Variants in PLCB1 observed in about 807,000 individuals in gnomAD.
The protein encoded by PLCB1 is phospholipase C beta 1.
Under a neutral mutation model 161.8 loss-of-function variants are expected in PLCB1, and 46 were observed. That is an observed-to-expected ratio of 0.28 (90% CI 0.22 to 0.36). The LOEUF is 0.36. PLCB1 is among the 10% of genes least tolerant of loss of function. The pLI, the probability that PLCB1 is intolerant of heterozygous loss-of-function variation, is 1.00. For synonymous variants in PLCB1, 517 were observed against 503.7 expected, an observed-to-expected ratio of 1.03 and a Z score of -0.35; for missense variants, 1,016 against 1,472.5, an observed-to-expected ratio of 0.69 and a Z score of 5.07.
At chr20:8,577,609 G>C (rs1986716356) in intron 3 of PLCB1, among the ~76,000 whole-genome samples, 1 of 151,946 alleles carries the variant, frequency 6.6e-6, no homozygotes, top group African/African-American at 2.4e-5. Context: ...ATAAGTCTTG[G>C]CACTTAAGAG....
At chr20:8,553,701 T>C (rs1301803434) in intron 3 of PLCB1, among the ~76,000 whole-genome samples, 4 of 152,052 alleles carry the variant, frequency 2.6e-5, no homozygotes, top group Non-Finnish European at 5.9e-5. Context: ...ATTAGGAGCC[T>C]TAATAAAACT....
intron 31 of PLCB1, among the ~76,000 whole-genome samples, chr20:8,874,250 ACACACG>A (rs148273939): frequency 0.3 from 45,250 of 150,096 alleles, 6,603 homozygotes; most frequent in South Asian, 0.47. Flanking sequence ...ACACACACAC[ACACACG>A]CACAACAGAT....
chr20:8,698,365 C>G (rs1990626566), intron 11 of PLCB1, among the ~76,000 whole-genome samples: 1 of 152,170 alleles, frequency 6.6e-6, no homozygotes, highest in Admixed American at 6.5e-5. Context: ...TAAATTGATT[C>G]ACACTATAGT....
Position 8,729,110 on chromosome 20 carries a change from C to T in PLCB1, c.1824C>T (p.Asn608=). 1 of 1,612,318 alleles carries T rather than the reference C, an allele frequency of 6.2e-7. No homozygotes were observed. The highest frequency in any genetic ancestry group is 8.5e-7 in the Non-Finnish European group (1 of 1,178,744). Residue 608 remains asparagine, a synonymous_variant, in exon 18 of 32, where the codon AAC becomes AAT. Transcript: ENST00000338037. ...AAGGAACACGTGTGGATTCATCCAA[C>T]TATATGCCTCAGCTCTTCTGGAATG... ...YPKGTRVDSS[N]YMPQLFWNAG...
At chr20:8,675,259 C>T (rs6108176) in intron 9 of PLCB1, among the ~76,000 whole-genome samples, 1 of 152,074 alleles carries the variant, frequency 6.6e-6, no homozygotes, top group Non-Finnish European at 1.5e-5. Context: ...CAAAAGCGGC[C>T]TTGTGAGATT....
At chr20:8,838,370 A>G (rs1285575843) in intron 31 of PLCB1, among the ~76,000 whole-genome samples, 1 of 152,218 alleles carries the variant, frequency 6.6e-6, no homozygotes, top group Non-Finnish European at 1.5e-5. Flanking sequence ...TTATTCCAGA[A>G]GGCCCAGTAT....
At chr20:8,813,806 C>T (rs1600349140) in intron 31 of PLCB1, among the ~76,000 whole-genome samples, 1 of 152,064 alleles carries the variant, frequency 6.6e-6, no homozygotes, top group East Asian at 1.9e-4. Context: ...ACAGCCAGGG[C>T]AACAGAGCAA....
chr20:8,704,603 CTT>C (rs1209776390), intron 11 of PLCB1, among the ~76,000 whole-genome samples: 2 of 152,232 alleles, frequency 1.3e-5, no homozygotes, highest in African/African-American at 4.8e-5. Context: ...AACAAACTAT[CTT>C]CTGCAGACCA....
chr20:8,774,925 G>A (rs1346316857), intron 27 of PLCB1, among the ~76,000 whole-genome samples: 2 of 152,158 alleles, frequency 1.3e-5, no homozygotes, highest in African/African-American at 4.8e-5. Context: ...TCTGTCTTCT[G>A]CCAATAAGGC....
chr20:8,810,855 T>G (rs913763071), intron 31 of PLCB1, among the ~76,000 whole-genome samples: 2 of 152,094 alleles, frequency 1.3e-5, no homozygotes, highest in Admixed American at 1.3e-4. Context: ...TCCCAGCTAC[T>G]TGGGGGGCTG....
intron 9 of PLCB1, among the ~76,000 whole-genome samples, chr20:8,678,399 C>T (rs1202258990): frequency 6.6e-6 from 1 of 151,980 alleles, no homozygotes; most frequent in African/African-American, 2.4e-5. Context: ...GCAATACATG[C>T]GTATTATTTT....
rs34765604 is a variant in PLCB1, at chr20:8,881,510, A to AAGTT, written c.3424-110_3424-107dup. The AAGTT allele has an allele frequency of 0.22, 172,106 of 765,816 alleles. 22,790 individuals carry two copies. The highest frequency in any genetic ancestry group is 0.32 in the Middle Eastern group (1,346 of 4,156). The allele number at this position is 765,816 out of a possible 1,614,324, so 47.4% of individuals were successfully genotyped here. A position where few individuals can be genotyped will look rare whatever the true frequency, so the allele number is the denominator to read the frequency against. On this transcript the variant is annotated intron_variant, in intron 31 of 31. Coordinates refer to ENST00000338037, the MANE Select transcript of PLCB1 (RefSeq NM_015192.4). Reference sequence around the variant, plus strand: ...ATAGGTGACCAGTGAATGATATTTTAAGTTAATGTATTCATCAGCCCCTTT... The same window carrying AAGTT: ...ATAGGTGACCAGTGAATGATATTTTAAGTTAGTTAATGTATTCATCAGCCCCTTT...
intron 3 of PLCB1, among the ~76,000 whole-genome samples, chr20:8,514,657 G>A (rs564185244): frequency 8.5e-5 from 13 of 152,102 alleles, no homozygotes; most frequent in African/African-American, 2.6e-4. Context: ...GAGTAAAGCC[G>A]TTTCATTTCT....
intron 3 of PLCB1, among the ~76,000 whole-genome samples, chr20:8,469,050 G>A (rs1981937965): frequency 6.6e-6 from 1 of 152,144 alleles, no homozygotes; most frequent in African/African-American, 2.4e-5. Context: ...GCATTTCCCA[G>A]GCGATGCTGA....
At chr20:8,534,070 G>C (rs1984943910) in intron 3 of PLCB1, among the ~76,000 whole-genome samples, 1 of 152,144 alleles carries the variant, frequency 6.6e-6, no homozygotes, top group African/African-American at 2.4e-5. Flanking sequence ...TCATCTTTGA[G>C]ATGAATGTGA....
rs758174226 is a variant in PLCB1, at chr20:8,774,577, T to C, written c.2969T>C (p.Ile990Thr). 8 of 1,613,486 alleles carry C rather than the reference T, an allele frequency of 5.0e-6. No homozygotes were observed. The highest frequency in any genetic ancestry group is 3.3e-5 in the South Asian group (3 of 90,972). ...AGCCCTGATCATGGTTCATCAACGA[T>C]TGAGCAAGACCTCGCTGCTCTGGAT... ...PSSPDHGSST[I>T]EQDLAALDAE... The change falls in exon 27 of 32, where the codon ATT (isoleucine) becomes ACT (threonine). Residue 990 changes from isoleucine to threonine, a missense_variant. This residue lies in a region of PLCB1 where 398 missense variants were observed against 445.4 expected (regional missense o/e 0.89). Transcript: ENST00000338037.
intron 31 of PLCB1, among the ~76,000 whole-genome samples, chr20:8,860,937 T>C (rs577076502): frequency 6.6e-6 from 1 of 152,238 alleles, no homozygotes; most frequent in Non-Finnish European, 1.5e-5. Flanking sequence ...ACCATCATCA[T>C]GTCCATGTTT....
chr20:8,341,138 C>T (rs559149498), intron 2 of PLCB1, among the ~76,000 whole-genome samples: 3 of 152,304 alleles, frequency 2.0e-5, no homozygotes, highest in South Asian at 2.1e-4. Flanking sequence ...TTCTCTTCCC[C>T]ATGCCTTCAC....
At chr20:8,534,344 C>T (rs965105942) in intron 3 of PLCB1, among the ~76,000 whole-genome samples, 1 of 152,204 alleles carries the variant, frequency 6.6e-6, no homozygotes, top group Non-Finnish European at 1.5e-5. Context: ...GCCCCCGGCC[C>T]TTGTGACAGA....
Sources: allele counts gnomAD v4.1 joint callset (sites outside exome capture counted in the v4.1 genomes callset), GRCh38; gene constraint gnomAD v4.1.1; regional missense constraint gnomAD v4.1.1; transcripts MANE v1.5; gene names NCBI Gene and HGNC (gene_info 2026-07-23, HGNC 2026-07-21).